HERC4: variants seen among roughly 807,000 people sequenced by gnomAD.
The protein encoded by HERC4 is HECT and RLD domain containing E3 ubiquitin protein ligase 4, also known as probable E3 ubiquitin-protein ligase HERC4.
A neutral mutation model predicts 124.3 loss-of-function variants in HERC4; 28 were observed. That is an observed-to-expected ratio of 0.23 (90% CI 0.17 to 0.31). HERC4 has a LOEUF of 0.31. HERC4 is among the 10% of genes least tolerant of loss of function. The pLI, the probability that HERC4 is intolerant of heterozygous loss-of-function variation, is 1.00. For synonymous variants in HERC4, 407 were observed against 421.5 expected, an observed-to-expected ratio of 0.97 and a Z score of 0.42; for missense variants, 713 against 1,229.3, an observed-to-expected ratio of 0.58 and a Z score of 6.28.
intron 16 of HERC4, among the ~76,000 whole-genome samples, chr10:67,964,089 C>T (rs2034700603): frequency 1.6e-5 from 2 of 123,766 alleles, no homozygotes; most frequent in South Asian, 2.7e-4. Flanking sequence ...AGCTACCACT[C>T]CATTTTTTTT....
intron 3 of HERC4, among the ~76,000 whole-genome samples, chr10:68,047,855 T>C (rs1216883331): frequency 6.6e-6 from 1 of 152,074 alleles, no homozygotes; most frequent in Non-Finnish European, 1.5e-5. Context: ...ACTCTTACCA[T>C]ATGACCCAAT....
chr10:67,969,421 CAT>C (rs1344769824), intron 15 of HERC4, among the ~76,000 whole-genome samples: 1 of 152,126 alleles, frequency 6.6e-6, no homozygotes, highest in Non-Finnish European at 1.5e-5. Flanking sequence ...GCCTCTTGTC[CAT>C]AGATGCCACT....
At chr10:67,941,790 T>C (rs1190364143) in intron 19 of HERC4, among the ~76,000 whole-genome samples, 2 of 149,878 alleles carry the variant, frequency 1.3e-5, no homozygotes, top group South Asian at 2.1e-4. Flanking sequence ...GAGATTCTCC[T>C]GCCTCAGGCA....
intron 19 of HERC4, among the ~76,000 whole-genome samples, chr10:67,950,379 G>A (rs2033704527): frequency 6.6e-6 from 1 of 151,902 alleles, no homozygotes; most frequent in South Asian, 2.1e-4. Flanking sequence ...AGGTTCAAGT[G>A]ATTCTCCTGC....
intron 9 of HERC4, among the ~76,000 whole-genome samples, chr10:68,000,433 A>T (rs562445277): frequency 3.9e-4 from 59 of 152,022 alleles, no homozygotes; most frequent in African/African-American, 1.3e-3. Context: ...CAAAAAGTTA[A>T]CTGGGTGTGG....
At chr10:68,064,449 G>A (rs187680705) in intron 3 of HERC4, among the ~76,000 whole-genome samples, 66 of 150,298 alleles carry the variant, frequency 4.4e-4, no homozygotes, top group African/African-American at 1.5e-3. Context: ...AGCTACTGGG[G>A]AAGCTGAAGC....
intron 15 of HERC4, 71 bp downstream of exon 15, chr10:67,988,592 G>T: frequency 9.9e-7 from 1 of 1,005,670 alleles, no homozygotes; most frequent in East Asian, 2.8e-5. Context: ...ATAGATTAAT[G>T]TTAAAATGAA....
At chr10:67,966,843 C>T in intron 15 of HERC4, 41 bp from the exon 16 acceptor site, 1 of 1,465,090 alleles carries the variant, frequency 6.8e-7, no homozygotes, top group South Asian at 1.4e-5. Flanking sequence ...TTAACCAGTA[C>T]TCAAGACAGA....
intron 9 of HERC4, among the ~76,000 whole-genome samples, chr10:68,004,504 T>C (rs1032866120): frequency 6.6e-6 from 1 of 152,224 alleles, no homozygotes; most frequent in African/African-American, 2.4e-5. Flanking sequence ...CTCAGCTTTC[T>C]TGTCATAGTT....
At chr10:67,951,916 AC>A (rs1188531274) in intron 19 of HERC4, among the ~76,000 whole-genome samples, 34 of 152,068 alleles carry the variant, frequency 2.2e-4, no homozygotes, top group Admixed American at 2.2e-3. Context: ...CAATATCCAG[AC>A]AAAAAAAAAT....
In HERC4 at chr10:67,992,551, A is replaced by T. The variant is rs945953394; in HGVS notation, c.1146+55T>A. On this transcript the variant is annotated intron_variant, in intron 10 of 24. Transcript: ENST00000373700. ...TAAAGAACATTAATAATGGGTTTTT[A>T]AAATTTGTCAAAATTATTGGAGCTA... The T allele has an allele frequency of 4.3e-6, 5 of 1,169,900 alleles. No individual in the cohort carries two copies. The African/African-American group carries it at 6.2e-5, about 15-fold the overall frequency. 72.5% of individuals were successfully genotyped at this position (1,169,900 alleles called of 1,614,324 possible).
intron 15 of HERC4, among the ~76,000 whole-genome samples, chr10:67,968,106 C>A (rs775756895): frequency 2.6e-5 from 4 of 151,936 alleles, no homozygotes; most frequent in Non-Finnish European, 5.9e-5. Context: ...GGAATGGACA[C>A]AAGTAGAGGA....
intron 3 of HERC4, among the ~76,000 whole-genome samples, chr10:68,051,341 A>ATTTTTTTTTT (rs34027809): frequency 7.7e-6 from 1 of 129,956 alleles, no homozygotes; most frequent in Non-Finnish European, 1.7e-5. Context: ...TGTTAACACT[A>ATTTTTTTTTT]TTTTTTTTTT....
chr10:67,956,119 A>T (rs938688713), intron 17 of HERC4: 19 of 152,218 alleles, frequency 1.2e-4, no homozygotes, highest in African/African-American at 3.4e-4. Context: ...TTAATTTTTT[A>T]AAATATTTTT....
intron 8 of HERC4, among the ~76,000 whole-genome samples, chr10:68,022,694 G>A (rs2038700407): frequency 6.6e-6 from 1 of 151,666 alleles, no homozygotes; most frequent in South Asian, 2.1e-4. Context: ...TAAACAAACT[G>A]GACTTTATAC....
intron 15 of HERC4, among the ~76,000 whole-genome samples, chr10:67,975,147 C>T (rs1433676428): frequency 6.6e-6 from 1 of 151,934 alleles, no homozygotes. Flanking sequence ...CGAGATCGTG[C>T]CATTGCACTC....
At chr10:67,930,455 T>C (rs2031669305) in intron 23 of HERC4, among the ~76,000 whole-genome samples, 1 of 152,220 alleles carries the variant, frequency 6.6e-6, no homozygotes, top group East Asian at 1.9e-4. Context: ...TGCTAGGTCA[T>C]ATAGCAAATG....
intron 23 of HERC4, among the ~76,000 whole-genome samples, chr10:67,931,444 A>T (rs2132030937): frequency 6.6e-6 from 1 of 152,278 alleles, no homozygotes; most frequent in South Asian, 2.1e-4. Flanking sequence ...ACGAAAACCC[A>T]TTCAGCTTTG....
chr10:67,925,918 T>G (rs905076982), intron 23 of HERC4, among the ~76,000 whole-genome samples: 1 of 152,166 alleles, frequency 6.6e-6, no homozygotes, highest in African/African-American at 2.4e-5. Flanking sequence ...TAGATGCCTA[T>G]AGCACCAGCC....
Sources: gnomAD v4.1 joint callset for allele counts (sites outside exome capture counted in the v4.1 genomes callset) on GRCh38, gnomAD v4.1.1 for gene constraint, MANE v1.5 for transcripts, NCBI Gene and HGNC (gene_info 2026-07-23, HGNC 2026-07-21) for gene names.